SNAP91: variants seen among roughly 807,000 people sequenced by gnomAD.
The protein encoded by SNAP91 is clathrin coat assembly protein AP180.
A neutral mutation model predicts 100.3 loss-of-function variants in SNAP91; 27 were observed. That is an observed-to-expected ratio of 0.27 (90% CI 0.20 to 0.37). The LOEUF (loss-of-function observed/expected upper bound fraction) is 0.37, where lower values mean the gene tolerates loss of function less well. SNAP91 is among the 10% of genes least tolerant of loss of function. SNAP91 has a pLI of 1.00. For missense variants in SNAP91, 986 were observed against 1,123.7 expected, an observed-to-expected ratio of 0.88 and a Z score of 1.75; for synonymous variants, 404 against 398.6, an observed-to-expected ratio of 1.01 and a Z score of -0.16.
chr6:83,659,919 A>G (rs1048761531), intron 5 of SNAP91, among the ~76,000 whole-genome samples: 2 of 152,202 alleles, frequency 1.3e-5, no homozygotes, highest in Non-Finnish European at 2.9e-5. Flanking sequence ...TAGCTACAGA[A>G]GATGAGACTG....
chr6:83,644,398 C>A (rs2097837239), intron 7 of SNAP91, among the ~76,000 whole-genome samples: 1 of 152,120 alleles, frequency 6.6e-6, no homozygotes, highest in Non-Finnish European at 1.5e-5. Flanking sequence ...GCTAATGAGA[C>A]TCCCCTGTCC....
intron 2 of SNAP91, among the ~76,000 whole-genome samples, chr6:83,672,549 C>T (rs2098802499): frequency 2.0e-5 from 3 of 152,090 alleles, no homozygotes; most frequent in South Asian, 4.2e-4. Context: ...AGGTCTCTCC[C>T]CGACTGGAGC....
At chr6:83,681,316 A>C (rs1298148044) in intron 2 of SNAP91, among the ~76,000 whole-genome samples, 3 of 152,004 alleles carry the variant, frequency 2.0e-5, no homozygotes, top group African/African-American at 7.3e-5. Flanking sequence ...CTGAACTTTG[A>C]TTTTCACCAG....
intron 26 of SNAP91, among the ~76,000 whole-genome samples, chr6:83,561,928 G>A (rs947587793): frequency 1.3e-5 from 2 of 152,196 alleles, no homozygotes. Flanking sequence ...TCGGGAGGCT[G>A]AGGTGGGAGG....
At chr6:83,649,929 A>C (rs1052247716) in intron 7 of SNAP91, among the ~76,000 whole-genome samples, 9 of 152,284 alleles carry the variant, frequency 5.9e-5, no homozygotes, top group African/African-American at 2.2e-4. Context: ...AAGAATTTGT[A>C]GGTATATTTT....
At chr6:83,703,527 A>C (rs2099346010) in intron 2 of SNAP91, among the ~76,000 whole-genome samples, 1 of 152,210 alleles carries the variant, frequency 6.6e-6, no homozygotes, top group African/African-American at 2.4e-5. Flanking sequence ...TTTTTTGCAG[A>C]TACTTTATGA....
At chr6:83,582,923 C>T (rs1330483161) in intron 22 of SNAP91, among the ~76,000 whole-genome samples, 1 of 152,178 alleles carries the variant, frequency 6.6e-6, no homozygotes, top group African/African-American at 2.4e-5. Flanking sequence ...TCTAGATCTC[C>T]TCCAATCTAG....
chr6:83,603,384 C>T (rs2095406350), intron 14 of SNAP91, among the ~76,000 whole-genome samples: 1 of 150,672 alleles, frequency 6.6e-6, no homozygotes, highest in Non-Finnish European at 1.5e-5. Flanking sequence ...ATCCAACTGC[C>T]TTTTTGTGAT....
rs1260254299 is a variant in SNAP91 at position 83,575,072 on chromosome 6, T to C, written c.2380A>G (p.Asn794Asp). 1.2e-6 allele frequency: 2 copies of C among 1,607,374 alleles called. No individual in the cohort carries two copies. The change falls in exon 26 of 30, where the codon AAC (asparagine) becomes GAC (aspartate). Residue 794 changes from asparagine (N) to aspartate (D), a missense_variant. By Grantham distance (23) the Asn-to-Asp change is conservative. This residue lies in a region of SNAP91 where 575 missense variants were observed against 579.9 expected (regional missense o/e 0.99). Coordinates refer to ENST00000369694, the MANE Select transcript of SNAP91 (RefSeq NM_001242792.2). Reference protein sequence around the residue: ...AGEKKLTGGANWQPKVAPATW... With the variant: ...AGEKKLTGGADWQPKVAPATW... ...GCTGGAGCTACTTTAGGCTGCCAGTTGGCTCCACCAGTCAACTTTTTCTCT... is the reference window on the plus strand; with the variant it reads ...GCTGGAGCTACTTTAGGCTGCCAGTCGGCTCCACCAGTCAACTTTTTCTCT...
intron 26 of SNAP91, 23 bp from the exon 27 acceptor site, chr6:83,560,970 A>G: frequency 6.6e-7 from 1 of 1,504,152 alleles, no homozygotes; most frequent in Non-Finnish European, 9.0e-7. Flanking sequence ...ACAGACATAC[A>G]CATATAAATA....
intron 8 of SNAP91, 95 bp from the exon 9 acceptor site, chr6:83,623,437 A>C: frequency 5.1e-5 from 42 of 816,968 alleles, no homozygotes; most frequent in Non-Finnish European, 7.5e-5. Context: ...TAAACAGCTC[A>C]ATATTGGTGT....
At chr6:83,607,851 C>T (rs1562318960) in intron 12 of SNAP91, 43 bp from the exon 13 acceptor site, 1 of 1,238,962 alleles carries the variant, frequency 8.1e-7, no homozygotes, top group Admixed American at 2.1e-5. Flanking sequence ...AAATATGAAT[C>T]TACAGGACAC....
intron 12 of SNAP91, among the ~76,000 whole-genome samples, chr6:83,610,216 T>C (rs1296904911): frequency 1.3e-5 from 2 of 152,094 alleles, no homozygotes; most frequent in Non-Finnish European, 2.9e-5. Context: ...AAATATCTAC[T>C]GATGGATGAA....
intron 8 of SNAP91, among the ~76,000 whole-genome samples, chr6:83,630,265 G>A (rs774712535): frequency 6.6e-6 from 1 of 152,032 alleles, no homozygotes; most frequent in Non-Finnish European, 1.5e-5. Context: ...TTTTGTTAAG[G>A]ATTTTAGCAT....
chr6:83,609,304 C>A (rs1356724915), intron 12 of SNAP91, among the ~76,000 whole-genome samples: 1 of 151,988 alleles, frequency 6.6e-6, no homozygotes, highest in African/African-American at 2.4e-5. Context: ...CAGACCAACC[C>A]AAAGGATGCC....
intron 8 of SNAP91, among the ~76,000 whole-genome samples, chr6:83,630,930 T>C (rs1234439532): frequency 1.3e-5 from 2 of 152,144 alleles, no homozygotes; most frequent in Non-Finnish European, 1.5e-5. Context: ...GGTGTGACCT[T>C]AGACTGTCTG....
At chr6:83,669,455 C>G (rs2098744672) in intron 2 of SNAP91, among the ~76,000 whole-genome samples, 1 of 151,766 alleles carries the variant, frequency 6.6e-6, no homozygotes, top group Non-Finnish European at 1.5e-5. Flanking sequence ...GAAGATATAT[C>G]TGGTATCTTT....
chr6:83,705,729 C>T (rs200462642), intron 2 of SNAP91, among the ~76,000 whole-genome samples: 1 of 151,636 alleles, frequency 6.6e-6, no homozygotes, highest in Non-Finnish European at 1.5e-5. Context: ...GAGAATCACT[C>T]GAACCTGGGA....
Position 83,592,931 on chromosome 6 carries a change from T to C in SNAP91, c.1846+15A>G, listed in dbSNP as rs774727476. ...CAAGACATCTCTGAAGTCCTGACCT[T>C]GGCAAAGCACTCACCAGATAAGAGG... is the stretch of plus-strand genomic sequence containing the variant. On this transcript the variant is annotated intron_variant, in intron 20 of 29. Coordinates refer to ENST00000369694, the MANE Select transcript of SNAP91 (RefSeq NM_001242792.2). 1.3e-6 allele frequency: 2 copies of C among 1,566,904 alleles called. No homozygotes were observed. The highest frequency in any genetic ancestry group is 2.4e-5 in the South Asian group (2 of 85,010).
Sources: gnomAD v4.1 joint callset for allele counts (sites outside exome capture counted in the v4.1 genomes callset) on GRCh38, gnomAD v4.1.1 for gene constraint, gnomAD v4.1.1 regional missense constraint, MANE v1.5 for transcripts, NCBI Gene and HGNC (gene_info 2026-07-23, HGNC 2026-07-21) for gene names.